Variants in DNAH8 observed in about 807,000 individuals in gnomAD.
DNAH8 encodes dynein axonemal heavy chain 8, also known as axonemal beta dynein heavy chain 8.
Under a neutral mutation model 562.1 loss-of-function variants are expected in DNAH8, and 382 were observed. The observed-to-expected ratio is 0.68, with a 90% confidence interval of 0.63 to 0.74. The LOEUF (loss-of-function observed/expected upper bound fraction) is 0.74, where lower values mean the gene tolerates loss of function less well. DNAH8 is among the 30% of genes least tolerant of loss of function. The pLI is 0.00. For synonymous variants in DNAH8, 1,881 were observed against 1,919.4 expected (o/e 0.98, Z 0.52); for missense variants, 5,203 against 5,620.4 (o/e 0.93, Z 2.37).
intron 14 of DNAH8, among the ~76,000 whole-genome samples, chr6:38,779,641 T>C (rs944290572): frequency 6.6e-6 from 1 of 152,232 alleles, no homozygotes; most frequent in Non-Finnish European, 1.5e-5. Context: ...CATCTTGTAA[T>C]CTGTTTGTCA....
At position 38,737,008 on chromosome 6, in the gene DNAH8, T is replaced by C. The variant is rs186152984; in HGVS notation, c.763-59T>C. ...TATTGCAATATAAAACAGGTTATGATTTTTCAGTTCTTTAGTGGGATTAGC... is the reference window on the plus strand; with the variant it reads ...TATTGCAATATAAAACAGGTTATGACTTTTCAGTTCTTTAGTGGGATTAGC... On this transcript the variant is annotated intron_variant, in intron 5 of 92. Transcript: ENST00000327475. 2.9e-5 allele frequency: 36 copies of C among 1,262,450 alleles called. No homozygotes were observed. The East Asian group carries it at 7.4e-4, about 26-fold the overall frequency. The allele number at this position is 1,262,450 out of a possible 1,614,324, so 78.2% of individuals were successfully genotyped here.
At chr6:38,828,859 AAC>A (rs924453218) in intron 30 of DNAH8, among the ~76,000 whole-genome samples, 3 of 152,202 alleles carry the variant, frequency 2.0e-5, no homozygotes, top group Non-Finnish European at 2.9e-5. Context: ...CCACAAAGGA[AAC>A]CCCGTGCCCA....
At position 38,984,232 on chromosome 6, in the gene DNAH8, C is replaced by G; in HGVS notation, c.12978C>G (p.Tyr4326Ter). ...GTGTATCATGGAATACGGTTCGGTA[C>G]ATGATCGGAGAAGTACAATATGGAG... ...KKGVSWNTVR[Y>*]MIGEVQYGGR... Residue 4326 changes from tyrosine to a stop codon, truncating the protein, a stop_gained, in exon 87 of 93, where the codon TAC becomes TAG. Transcript: ENST00000327475. LOFTEE classifies it high-confidence loss of function. 6.2e-7 allele frequency: 1 copy of G among 1,604,708 alleles called. No homozygotes were observed. Among genetic ancestry groups the G allele is most frequent in the Non-Finnish European group, 8.5e-7 (1 of 1,171,572 alleles).
chr6:38,971,654 T>C lies in DNAH8; in HGVS notation c.12514T>C (p.Ser4172Pro). 1 of 1,601,262 alleles carries C rather than the reference T, an allele frequency of 6.2e-7. No homozygotes were observed. The change falls in exon 83 of 93, where the codon TCA (serine) becomes CCA (proline). Residue 4172 changes from serine to proline, a missense_variant. Physicochemically the swap from Ser to Pro is moderately conservative, Grantham distance 74. Around this residue, in one of 6 missense-constraint regions of DNAH8, gnomAD observed 1,399 missense variants for 1,518.4 expected, o/e 0.92. Coordinates refer to ENST00000327475, the MANE Select transcript of DNAH8 (RefSeq NM_001206927.2). Reference sequence around the variant, plus strand: ...ACATGCTCGAAAGCTGATTCAGATGTCAATGCAGCAGGTATGTGACAAGAG... The same window carrying C: ...ACATGCTCGAAAGCTGATTCAGATGCCAATGCAGCAGGTATGTGACAAGAG... Reference protein sequence around the residue: ...EVHARKLIQMSMQQGGWVLLQ... With the variant: ...EVHARKLIQMPMQQGGWVLLQ...
intron 13 of DNAH8, 49 bp from the exon 14 acceptor site, chr6:38,778,339 C>A: frequency 9.5e-7 from 1 of 1,047,678 alleles, no homozygotes; most frequent in South Asian, 1.4e-5. Context: ...TAAACAAAAC[C>A]AATCTCTTTA....
chr6:38,796,682 C>T (rs985776681), intron 21 of DNAH8, among the ~76,000 whole-genome samples: 3 of 152,250 alleles, frequency 2.0e-5, no homozygotes, highest in African/African-American at 4.8e-5. Context: ...GCATGCAGCC[C>T]GCAGTCACGT....
chr6:38,959,627 T>C (rs1471186572), intron 82 of DNAH8, among the ~76,000 whole-genome samples: 1 of 151,988 alleles, frequency 6.6e-6, no homozygotes, highest in African/African-American at 2.4e-5. Flanking sequence ...AGGACACAGA[T>C]AAATGGAAAG....
intron 11 of DNAH8, among the ~76,000 whole-genome samples, chr6:38,762,731 C>T (rs1347817247): frequency 6.6e-6 from 1 of 152,218 alleles, no homozygotes; most frequent in Non-Finnish European, 1.5e-5. Flanking sequence ...TGCAGGTTCC[C>T]TGGTCTTCGT....
chr6:38,907,703 AGTG>A (rs1780587793), intron 63 of DNAH8, among the ~76,000 whole-genome samples: 1 of 152,210 alleles, frequency 6.6e-6, no homozygotes, highest in Non-Finnish European at 1.5e-5. Context: ...GAGATGATTG[AGTG>A]GTGGTGGAGA....
chr6:38,797,009 G>T (rs1583029957), intron 21 of DNAH8, among the ~76,000 whole-genome samples: 2 of 152,168 alleles, frequency 1.3e-5, no homozygotes. Flanking sequence ...TGTCTCGATA[G>T]ATCTACCAAT....
chr6:38,791,552 T>C lies in DNAH8; in HGVS notation c.2782-3T>C, dbSNP rs1286147673. ...TTTTTTCTTACATTTTTCTTCCTTG[T>C]AGATCAGTGACTTGTGTGAAATGCA... On this transcript the variant is annotated splice_polypyrimidine_tract_variant and splice_region_variant and intron_variant, in intron 20 of 92. Coordinates refer to ENST00000327475, the MANE Select transcript of DNAH8 (RefSeq NM_001206927.2). 1 of 1,606,342 alleles carries C rather than the reference T, an allele frequency of 6.2e-7. No individual in the cohort carries two copies. Among genetic ancestry groups the C allele is most frequent in the African/African-American group, 1.3e-5 (1 of 74,496 alleles).
At chr6:38,848,452 A>G (rs1375139507) in intron 36 of DNAH8, among the ~76,000 whole-genome samples, 196 bp from the exon 37 acceptor site, 4 of 152,174 alleles carry the variant, frequency 2.6e-5, no homozygotes, top group Middle Eastern at 3.2e-3. Context: ...CAATAAGTAA[A>G]ATCACTGCAG....
chr6:38,952,235 T>A (rs556339808), intron 82 of DNAH8, among the ~76,000 whole-genome samples: 1 of 152,038 alleles, frequency 6.6e-6, no homozygotes, highest in Admixed American at 6.5e-5. Context: ...GGAGAGGAGA[T>A]GGGAAAGAAG....
chr6:38,875,888 C>G, intron 53 of DNAH8, 60 bp downstream of exon 53: 1 of 1,036,304 alleles, frequency 9.6e-7, no homozygotes, highest in South Asian at 1.4e-5. Context: ...AAAATATAAG[C>G]TTTCATAAAC....
intron 11 of DNAH8, among the ~76,000 whole-genome samples, chr6:38,769,498 A>G (rs1176103203): frequency 5.4e-5 from 8 of 148,860 alleles, no homozygotes; most frequent in Non-Finnish European, 1.1e-4. Context: ...AGATCTGAAT[A>G]TTTATAGGAA....
chr6:38,736,146 T>G (rs1764067980), intron 5 of DNAH8, among the ~76,000 whole-genome samples: 2 of 152,036 alleles, frequency 1.3e-5, no homozygotes, highest in Non-Finnish European at 2.9e-5. Context: ...AAAAAGACAT[T>G]TTCTGTGGAC....
At chr6:38,896,273 C>T (rs778732565) in intron 60 of DNAH8, 48 bp downstream of exon 60, 5 of 1,446,058 alleles carry the variant, frequency 3.5e-6, no homozygotes, top group Non-Finnish European at 4.8e-6. Context: ...GCTCACCTGA[C>T]TAGATCTTTC....
At chr6:38,871,831 A>G (rs1777488313) in intron 49 of DNAH8, among the ~76,000 whole-genome samples, 1 of 152,152 alleles carries the variant, frequency 6.6e-6, no homozygotes, top group Non-Finnish European at 1.5e-5. Context: ...TTTATTTCCC[A>G]TCCACCCCCA....
Position 38,929,539 on chromosome 6 carries a change from G to C in DNAH8, c.11147G>C (p.Arg3716Pro), listed in dbSNP as rs534987499. Residue 3716 changes from arginine (R) to proline (P), a missense_variant, in exon 75 of 93, where the codon CGC (arginine) becomes CCC (proline). This residue lies in a region of DNAH8 where 1,399 missense variants were observed against 1,518.4 expected (regional missense o/e 0.92). Transcript: ENST00000327475. ...ACATCTCTGAACCATAAATATTTTC[G>C]CACACACTTGGAGGACAGCCTTTCC... Reference protein sequence around the residue: ...QVTSLNHKYFRTHLEDSLSLG... With the variant: ...QVTSLNHKYFPTHLEDSLSLG... The C allele has an allele frequency of 1.9e-6, 3 of 1,611,680 alleles. No individual in the cohort carries two copies. In the Admixed American group the frequency reaches 5.0e-5, roughly 27 times the overall value.
Sources: allele counts gnomAD v4.1 joint callset (sites outside exome capture counted in the v4.1 genomes callset), GRCh38; gene constraint gnomAD v4.1.1; regional missense constraint gnomAD v4.1.1; transcripts MANE v1.5; gene names NCBI Gene and HGNC (gene_info 2026-07-23, HGNC 2026-07-21).